IGLL5: variants seen among roughly 807,000 people sequenced by gnomAD.
The protein encoded by IGLL5 is immunoglobulin lambda like polypeptide 5.
Under a neutral mutation model 20.9 loss-of-function variants are expected in IGLL5, and 30 were observed. That is an observed-to-expected ratio of 1.44 (90% CI 1.07 to 1.95). IGLL5 has a LOEUF of 1.95. Ranked by LOEUF, IGLL5 falls within the 30% of genes most tolerant of loss-of-function variation. The pLI is 0.00. For missense variants in IGLL5, 475 were observed against 270.7 expected (o/e 1.75, Z -5.30); for synonymous variants, 203 against 117.3 (o/e 1.73, Z -4.72).
Position 22,895,687 on chromosome 22 carries a change from G to C in IGLL5, c.638G>C (p.Cys213Ser). 1 of 1,613,138 alleles carries C rather than the reference G, an allele frequency of 6.2e-7. No individual in the cohort carries two copies. Among genetic ancestry groups the C allele is most frequent in the Non-Finnish European group, 8.5e-7 (1 of 1,179,670 alleles). The change falls in exon 3 of 3, where the codon TGT becomes TCT. Residue 213 changes from cysteine (C) to serine (S), a missense_variant. Cys to Ser is a moderately radical substitution (Grantham distance 112). Coordinates refer to ENST00000526893, the MANE Select transcript of IGLL5 (RefSeq NM_001178126.2). ...GAGAAGACAGTGGCCCCTACAGAAT[G>C]TTCATAGGTTCCCAACTCTAACCCC... ...TVEKTVAPTE[C>S]S is the part of the protein sequence containing the mutation.
At position 22,890,040 on chromosome 22, in the gene IGLL5, C is replaced by A. The variant is rs149613452; in HGVS notation, c.206+1781C>A. On this transcript the variant is annotated intron_variant, in intron 1 of 2. Transcript: ENST00000526893. ...TTTTCTGGTTTTGTGAAGTTGTTCA[C>A]AAAAAGAGACATTTCTTCTAATATA... 6.5e-4 allele frequency among the ~76,000 whole-genome samples: 97 copies of A among 149,754 alleles called. No homozygotes were observed. The East Asian group carries it at 0.018, about 28-fold the overall frequency.
At chr22:22,893,471 G>A (rs2067911357) in intron 1 of IGLL5, among the ~76,000 whole-genome samples, 1 of 151,098 alleles carries the variant, frequency 6.6e-6, no homozygotes, top group African/African-American at 2.4e-5. Context: ...CACAGGAGGG[G>A]ATGTGTCACT....
chr22:22,894,700 T>A (rs528273588), intron 2 of IGLL5, among the ~76,000 whole-genome samples: 4 of 151,302 alleles, frequency 2.6e-5, no homozygotes, highest in East Asian at 2.0e-4. Context: ...CTGAGTCTCA[T>A]AGTCTGTGGG....
Position 22,888,098 on chromosome 22 carries a change from G to A in IGLL5, c.45G>A (p.Glu15=), listed in dbSNP as rs544778929. The A allele has an allele frequency of 4.5e-5, 70 of 1,549,326 alleles. No homozygotes were observed. Among genetic ancestry groups the A allele is most frequent in the Admixed American group, 7.9e-5 (4 of 50,814 alleles). ...AAGTGGGTTGTGAGACCCCTGAGGAGCTGGGCCCTGGTCCCAGGCAGCGCT... is the reference window on the plus strand; with the variant it reads ...AAGTGGGTTGTGAGACCCCTGAGGAACTGGGCCCTGGTCCCAGGCAGCGCT... ...TGQVGCETPE[E]LGPGPRQRWP... Residue 15 remains glutamate (E), a synonymous_variant, in exon 1 of 3, where the codon GAG becomes GAA. Transcript: ENST00000526893.
At chr22:22,888,445 AATAT>A in intron 1 of IGLL5, among the ~76,000 whole-genome samples, 186 bp downstream of exon 1, 1 of 151,398 alleles carries the variant, frequency 6.6e-6, no homozygotes, top group South Asian at 2.1e-4. Flanking sequence ...TACTGTTTTT[AATAT>A]CATATTACGA....
At chr22:22,890,226 A>T (rs1601611605) in intron 1 of IGLL5, among the ~76,000 whole-genome samples, 1 of 147,782 alleles carries the variant, frequency 6.8e-6, no homozygotes, top group East Asian at 2.1e-4. Flanking sequence ...TCTGCTTACC[A>T]TCTCTCACCT....
rs552533352 is a variant in IGLL5, at chr22:22,893,592, G to C, written c.207-108G>C. ...CAAGGCTGTGTGTGGCACTTGCCTTGGACAGCAGACAGGCACAGGGACACC... is the reference window on the plus strand; with the variant it reads ...CAAGGCTGTGTGTGGCACTTGCCTTCGACAGCAGACAGGCACAGGGACACC... On this transcript the variant is annotated intron_variant, in intron 1 of 2. Coordinates refer to ENST00000526893, the MANE Select transcript of IGLL5 (RefSeq NM_001178126.2). 1.3e-4 allele frequency: 86 copies of C among 651,878 alleles called. 1 individual carries two copies. The African/African-American group carries it at 1.5e-3, about 11-fold the overall frequency. 40.4% of individuals were successfully genotyped at this position (651,878 alleles called of 1,614,324 possible). A position where few individuals can be genotyped will look rare whatever the true frequency, so the allele number is the denominator to read the frequency against.
intron 2 of IGLL5, among the ~76,000 whole-genome samples, chr22:22,894,130 A>T (rs2067986472): frequency 6.6e-6 from 1 of 151,462 alleles, no homozygotes; most frequent in Non-Finnish European, 1.5e-5. Flanking sequence ...GGGGCCCTGC[A>T]GTGTCCTTAG....
chr22:22,889,563 G>GA (rs1423345992), intron 1 of IGLL5, among the ~76,000 whole-genome samples: 1 of 151,124 alleles, frequency 6.6e-6, no homozygotes, highest in African/African-American at 2.4e-5. Context: ...GAAAGGGTGT[G>GA]AAAAAACACA....
intron 1 of IGLL5, among the ~76,000 whole-genome samples, chr22:22,889,117 C>A (rs1399399787): frequency 1.3e-5 from 2 of 151,152 alleles, no homozygotes; most frequent in African/African-American, 4.8e-5. Context: ...TTGGAAAAAT[C>A]AGCACCGGAT....
intron 1 of IGLL5, among the ~76,000 whole-genome samples, chr22:22,889,004 A>C (rs540227537): frequency 6.6e-6 from 1 of 151,328 alleles, no homozygotes; most frequent in South Asian, 2.1e-4. Flanking sequence ...GGTGACTGGG[A>C]AGGGGAGGCA....
intron 2 of IGLL5, among the ~76,000 whole-genome samples, chr22:22,894,062 G>C (rs1388452720): frequency 4.0e-5 from 6 of 151,334 alleles, no homozygotes; most frequent in East Asian, 2.0e-4. Flanking sequence ...CAGGGTCAGG[G>C]CTCCTCCTCT....
At chr22:22,894,460 T>C (rs564011383) in intron 2 of IGLL5, among the ~76,000 whole-genome samples, 4 of 151,442 alleles carry the variant, frequency 2.6e-5, no homozygotes, top group Admixed American at 6.6e-5. Flanking sequence ...CCCAGGACAG[T>C]CACCAGAAAG....
chr22:22,895,322 C>A, intron 2 of IGLL5, 53 bp from the exon 3 acceptor site: 1 of 1,527,458 alleles, frequency 6.5e-7, no homozygotes, highest in Non-Finnish European at 9.0e-7. Context: ...AGGGGCTCCA[C>A]AACACCCCGG....
chr22:22,894,678 G>A (rs2066681211), intron 2 of IGLL5, among the ~76,000 whole-genome samples: 2 of 151,316 alleles, frequency 1.3e-5, no homozygotes, highest in African/African-American at 2.4e-5. Flanking sequence ...GCTGGGGTGG[G>A]CCTGGGGGCT....
At chr22:22,894,161 T>G (rs567547741) in intron 2 of IGLL5, among the ~76,000 whole-genome samples, 1 of 151,468 alleles carries the variant, frequency 6.6e-6, no homozygotes, top group African/African-American at 2.4e-5. Flanking sequence ...CAGTGACTCC[T>G]GGGGTCAAGG....
Position 22,888,149 on chromosome 22 carries a change from CATGGTCGCCCATGGCCT to C in IGLL5, c.97_113del (p.Met33AlafsTer53), listed in dbSNP as rs2067565173. The C allele has an allele frequency of 6.5e-7, 1 of 1,549,274 alleles. No homozygotes were observed. Among genetic ancestry groups the C allele is most frequent in the African/African-American group, 1.4e-5 (1 of 72,810 alleles). On this transcript the variant is annotated frameshift_variant, in exon 1 of 3. Coordinates refer to ENST00000526893, the MANE Select transcript of IGLL5 (RefSeq NM_001178126.2). LOFTEE classifies it high-confidence loss of function. Reference sequence around the variant, plus strand: ...GGCCCCTGCTGCTGCTGGGTCTGGCCATGGTCGCCCATGGCCTGCTGCGCCCAATGGTTGCACCGCAA... The same window carrying C: ...GGCCCCTGCTGCTGCTGGGTCTGGCCGCTGCGCCCAATGGTTGCACCGCAA...
At chr22:22,895,016 G>A (rs538301719) in intron 2 of IGLL5, among the ~76,000 whole-genome samples, 2 of 151,474 alleles carry the variant, frequency 1.3e-5, no homozygotes, top group African/African-American at 4.8e-5. Flanking sequence ...ATGGAGGGGG[G>A]TATAGGGATG....
chr22:22,890,482 G>A (rs2067802291), intron 1 of IGLL5, among the ~76,000 whole-genome samples: 1 of 143,174 alleles, frequency 7.0e-6, no homozygotes, highest in Non-Finnish European at 1.5e-5. Context: ...TGTTTTATAA[G>A]CAAAGTTTAG....
Sources: gnomAD v4.1 joint callset for allele counts (sites outside exome capture counted in the v4.1 genomes callset) on GRCh38, gnomAD v4.1.1 for gene constraint, MANE v1.5 for transcripts, NCBI Gene and HGNC (gene_info 2026-07-23, HGNC 2026-07-21) for gene names.